The following ZNHIT6 variants were observed in gnomAD, a reference collection of about 807,000 sequenced individuals.
ZNHIT6 encodes the protein box C/D snoRNA protein 1.
A neutral mutation model predicts 57.2 loss-of-function variants in ZNHIT6; 45 were observed. That is an observed-to-expected ratio of 0.79 (90% confidence interval 0.62 to 1.01). The LOEUF (loss-of-function observed/expected upper bound fraction) is 1.01, where lower values mean the gene tolerates loss of function less well. Among genes scored for constraint, ZNHIT6 ranks in the 50% least tolerant of loss-of-function variants. ZNHIT6 has a pLI of 0.00. For missense variants in ZNHIT6, 528 were observed against 567.3 expected, an observed-to-expected ratio of 0.93 and a Z score of 0.70; for synonymous variants, 188 against 190.0, an observed-to-expected ratio of 0.99 and a Z score of 0.09.
intron 5 of ZNHIT6, among the ~76,000 whole-genome samples, chr1:85,695,670 G>A (rs1046545231): frequency 6.6e-6 from 1 of 152,202 alleles, no homozygotes; most frequent in Non-Finnish European, 1.5e-5. Flanking sequence ...AAGATTCTAA[G>A]AGCTATTTCT....
At chr1:85,704,992 C>A (rs908220355) in intron 4 of ZNHIT6, among the ~76,000 whole-genome samples, 5 of 152,144 alleles carry the variant, frequency 3.3e-5, no homozygotes, top group Non-Finnish European at 5.9e-5. Context: ...TTCAAAATCG[C>A]AATCTAATCC....
At chr1:85,670,327 A>G (rs1016885020) in intron 8 of ZNHIT6, among the ~76,000 whole-genome samples, 3 of 152,182 alleles carry the variant, frequency 2.0e-5, no homozygotes, top group Non-Finnish European at 2.9e-5. Context: ...AATGGCCCAC[A>G]AAGCTGGAAA....
chr1:85,677,421 T>A, intron 7 of ZNHIT6, 108 bp from the exon 8 acceptor site: 2 of 750,130 alleles, frequency 2.7e-6, no homozygotes. Context: ...AGTTCATGTA[T>A]TTAAGCATAG....
chr1:85,684,695 G>A (rs12739713), intron 5 of ZNHIT6, among the ~76,000 whole-genome samples: 47,862 of 151,984 alleles, frequency 0.31, 8,028 homozygotes, highest in East Asian at 0.49. Context: ...CAGTCTCTCC[G>A]TGGCCCATTT....
intron 8 of ZNHIT6, among the ~76,000 whole-genome samples, chr1:85,676,465 T>C (rs1661708287): frequency 6.6e-6 from 1 of 152,230 alleles, no homozygotes; most frequent in Admixed American, 6.5e-5. Flanking sequence ...AGGAGAGGCC[T>C]AGCTTTCAGC....
chr1:85,692,291 T>C (rs1662243060), intron 5 of ZNHIT6, among the ~76,000 whole-genome samples: 1 of 151,988 alleles, frequency 6.6e-6, no homozygotes, highest in African/African-American at 2.4e-5. Context: ...GATGATCGAG[T>C]GTTTGGCTTT....
chr1:85,685,605 T>C (rs752939699), intron 5 of ZNHIT6, among the ~76,000 whole-genome samples: 12 of 152,176 alleles, frequency 7.9e-5, no homozygotes, highest in Non-Finnish European at 1.6e-4. Flanking sequence ...TGAGACAAGG[T>C]CTCACTCTGT....
At chr1:85,699,088 T>C (rs1245641955) in intron 5 of ZNHIT6, among the ~76,000 whole-genome samples, 1 of 152,108 alleles carries the variant, frequency 6.6e-6, no homozygotes, top group African/African-American at 2.4e-5. Context: ...GAGTCAAAGC[T>C]ATAACCAACT....
chr1:85,657,801 T>C, intron 9 of ZNHIT6, 46 bp downstream of exon 9: 1 of 1,574,902 alleles, frequency 6.3e-7, no homozygotes. Context: ...TTGCTTTGGT[T>C]TCTCTAAAGC....
Position 85,707,849 on chromosome 1 carries a change from C to T in ZNHIT6, c.436G>A (p.Val146Ile), listed in dbSNP as rs540421129. 1.9e-6 allele frequency: 3 copies of T among 1,614,104 alleles called. No homozygotes were observed. Among genetic ancestry groups the T allele is most frequent in the Non-Finnish European group, 2.5e-6 (3 of 1,180,020 alleles). Reference sequence around the variant, plus strand: ...TCCTTCACTTCTGACCAGTCCATTACCTCTTCCTTTACCTTCTCTTCCTTT... The same window carrying T: ...TCCTTCACTTCTGACCAGTCCATTATCTCTTCCTTTACCTTCTCTTCCTTT... ...EVKEEKVKEE[V>I]MDWSEVKEEK... Residue 146 changes from valine (V) to isoleucine (I), a missense_variant, in exon 1 of 10, where the codon GTA (valine) becomes ATA (isoleucine). By Grantham distance (29) the Val-to-Ile change is conservative (BLOSUM62 3). Transcript: ENST00000370574.
At chr1:85,665,828 G>A (rs987406473) in intron 8 of ZNHIT6, among the ~76,000 whole-genome samples, 2 of 152,182 alleles carry the variant, frequency 1.3e-5, no homozygotes, top group African/African-American at 4.8e-5. Flanking sequence ...TTTGCTTAGA[G>A]GTTCAACAGT....
At chr1:85,690,024 G>C (rs1662173955) in intron 5 of ZNHIT6, among the ~76,000 whole-genome samples, 1 of 152,166 alleles carries the variant, frequency 6.6e-6, no homozygotes, top group Non-Finnish European at 1.5e-5. Context: ...CTAGGTAAAA[G>C]AGACATAATG....
In ZNHIT6 at chr1:85,667,961, A is replaced by AAAAAAAAATGTATATATATAT; in HGVS notation, c.1247+9274_1247+9275insATATATATATACATTTTTTTT. On this transcript the variant is annotated intron_variant, in intron 8 of 9. Transcript: ENST00000370574. ...ACTCTCTCTTTCAAAAAAAAAAAAA[A>AAAAAAAAATGTATATATATAT]ATATATATATATATATATATATATG... 2.7e-4 allele frequency among the ~76,000 whole-genome samples: 5 copies of AAAAAAAAATGTATATATATAT among 18,202 alleles called. 1 individual carries two copies. The East Asian group carries it at 8.6e-3, about 31-fold the overall frequency. 11.9% of individuals were successfully genotyped at this position (18,202 alleles called of 152,430 possible).
intron 9 of ZNHIT6, 74 bp from the exon 10 acceptor site, chr1:85,654,172 C>G: frequency 7.6e-7 from 1 of 1,309,230 alleles, no homozygotes; most frequent in Non-Finnish European, 1.1e-6. Flanking sequence ...CCTCTTCTCT[C>G]CCTCCTTCTG....
chr1:85,704,579 T>C (rs1385704109), intron 4 of ZNHIT6, among the ~76,000 whole-genome samples: 3 of 152,148 alleles, frequency 2.0e-5, no homozygotes, highest in Admixed American at 2.0e-4. Flanking sequence ...CATTTTGTGA[T>C]GTTTAGAAAA....
At chr1:85,668,054 T>C (rs549434956) in intron 8 of ZNHIT6, among the ~76,000 whole-genome samples, 3 of 146,788 alleles carry the variant, frequency 2.0e-5, no homozygotes, top group Non-Finnish European at 4.5e-5. Context: ...CAGAATTTTA[T>C]ACCAAGTAGT....
chr1:85,655,344 G>A, intron 9 of ZNHIT6, among the ~76,000 whole-genome samples: 1 of 152,222 alleles, frequency 6.6e-6, no homozygotes, highest in East Asian at 1.9e-4. Context: ...GTGAGCGAGG[G>A]AGAATGGATG....
chr1:85,679,580 T>TTA (rs1488999615), intron 6 of ZNHIT6, among the ~76,000 whole-genome samples: 324 of 150,180 alleles, frequency 2.2e-3, no homozygotes, highest in African/African-American at 6.5e-3. Flanking sequence ...TTTTTTTTTT[T>TTA]TAATTTTTTT....
intron 9 of ZNHIT6, 104 bp downstream of exon 9, chr1:85,657,743 G>T: frequency 8.7e-7 from 1 of 1,154,348 alleles, no homozygotes; most frequent in Non-Finnish European, 1.2e-6. Flanking sequence ...CTGTAAGTGT[G>T]TAAATATAGT....
Sources: gnomAD v4.1 joint callset for allele counts (sites outside exome capture counted in the v4.1 genomes callset) on GRCh38, gnomAD v4.1.1 for gene constraint, MANE v1.5 for transcripts, NCBI Gene and HGNC (gene_info 2026-07-23, HGNC 2026-07-21) for gene names.